The following CUL2 variants were observed in gnomAD, a reference collection of about 807,000 sequenced individuals.
CUL2 encodes the protein cullin 2, also known as cullin-2.
CUL2 carries 22 observed loss-of-function variants against 110.2 expected under a neutral mutation model. The observed-to-expected ratio is 0.20, with a 90% CI of 0.14 to 0.28. CUL2 has a LOEUF of 0.28. Ranked by LOEUF, CUL2 falls within the 10% of genes least tolerant of loss-of-function variation. CUL2 has a pLI of 1.00. For synonymous variants in CUL2, 279 were observed against 293.2 expected (o/e 0.95, Z 0.49); for missense variants, 631 against 905.5 (o/e 0.70, Z 3.89).
intron 4 of CUL2, among the ~76,000 whole-genome samples, chr10:35,056,338 G>A (rs1004525375): frequency 3.0e-4 from 45 of 152,180 alleles, no homozygotes; most frequent in African/African-American, 8.2e-4. Flanking sequence ...ATGAATACCA[G>A]GAAATAAAAG....
At chr10:35,073,320 A>C (rs1316299753) in intron 1 of CUL2, among the ~76,000 whole-genome samples, 1 of 152,136 alleles carries the variant, frequency 6.6e-6, no homozygotes, top group Non-Finnish European at 1.5e-5. Context: ...AGCTCTAAAT[A>C]AGGGAATTAA....
intron 1 of CUL2, among the ~76,000 whole-genome samples, chr10:35,126,317 T>C (rs1170269903): frequency 2.6e-5 from 4 of 152,204 alleles, no homozygotes; most frequent in African/African-American, 7.2e-5. Context: ...AGCAGGTGAA[T>C]TGTCTCAGGA....
intron 1 of CUL2, among the ~76,000 whole-genome samples, chr10:35,078,455 C>T (rs984282914): frequency 7.9e-5 from 12 of 151,966 alleles, no homozygotes; most frequent in Admixed American, 2.6e-4. Flanking sequence ...GCCACCACAC[C>T]GGTGTAATTT....
At chr10:35,077,021 A>C (rs939288315) in intron 1 of CUL2, among the ~76,000 whole-genome samples, 2 of 152,186 alleles carry the variant, frequency 1.3e-5, no homozygotes, top group Non-Finnish European at 2.9e-5. Flanking sequence ...TCCCAAGAGA[A>C]ATACAACATA....
intron 1 of CUL2, among the ~76,000 whole-genome samples, chr10:35,115,236 T>C (rs1299971892): frequency 6.6e-6 from 1 of 150,964 alleles, no homozygotes; most frequent in East Asian, 2.0e-4. Context: ...AGATTCTGTC[T>C]AAAAAATAAA....
intron 1 of CUL2, among the ~76,000 whole-genome samples, chr10:35,115,724 A>C (rs545611426): frequency 7.2e-5 from 11 of 151,978 alleles, no homozygotes; most frequent in African/African-American, 2.4e-4. Context: ...TGACACCCCC[A>C]TCACTACAAA....
At chr10:35,017,785 G>A (rs2085073976) in intron 17 of CUL2, among the ~76,000 whole-genome samples, 1 of 151,470 alleles carries the variant, frequency 6.6e-6, no homozygotes, top group Non-Finnish European at 1.5e-5. Flanking sequence ...GCAACATCCT[G>A]GGAGACAGCA....
intron 1 of CUL2, among the ~76,000 whole-genome samples, chr10:35,103,287 G>A (rs963179350): frequency 4.2e-5 from 6 of 142,394 alleles, no homozygotes; most frequent in African/African-American, 7.8e-5. Flanking sequence ...GGACACAGGC[G>A]CCCGCCACCA....
At chr10:35,026,328 C>G (rs1016899217) in intron 16 of CUL2, among the ~76,000 whole-genome samples, 1 of 151,658 alleles carries the variant, frequency 6.6e-6, no homozygotes, top group African/African-American at 2.4e-5. Flanking sequence ...TATGATCTGA[C>G]TAACTAATAA....
intron 1 of CUL2, among the ~76,000 whole-genome samples, chr10:35,087,475 C>T (rs1376833267): frequency 6.6e-6 from 1 of 152,162 alleles, no homozygotes; most frequent in Non-Finnish European, 1.5e-5. Flanking sequence ...ATGGCTGAAT[C>T]ACTCCTTAAC....
chr10:35,069,349 G>C (rs1248440858), intron 2 of CUL2, among the ~76,000 whole-genome samples: 3 of 151,878 alleles, frequency 2.0e-5, no homozygotes, highest in African/African-American at 7.3e-5. Context: ...GATCAGCCTG[G>C]GCAACATAGT....
At chr10:35,074,528 C>G (rs1442343829) in intron 1 of CUL2, among the ~76,000 whole-genome samples, 1 of 152,142 alleles carries the variant, frequency 6.6e-6, no homozygotes, top group African/African-American at 2.4e-5. Flanking sequence ...GTTCCTGAGA[C>G]AGAGTCTCCC....
At chr10:35,057,637 A>C (rs1427821712) in intron 4 of CUL2, among the ~76,000 whole-genome samples, 1 of 145,862 alleles carries the variant, frequency 6.9e-6, no homozygotes, top group African/African-American at 2.5e-5. Context: ...TGGGCGACGG[A>C]GCAAGACTCC....
intron 4 of CUL2, among the ~76,000 whole-genome samples, chr10:35,060,190 C>T (rs1280543728): frequency 6.6e-6 from 1 of 152,044 alleles, no homozygotes; most frequent in Non-Finnish European, 1.5e-5. Context: ...ATTGCTAGGG[C>T]CCAGGAGGCT....
At position 35,038,125 on chromosome 10, in the gene CUL2, G is replaced by A. The variant is rs139853309; in HGVS notation, c.877+795C>T. The stretch of plus-strand genomic sequence containing the variant: ...AGATCATGCCATTGCACTCCAGCCT[G>A]GGCGACGGAGCGAGACTCCATCTCA... On this transcript the variant is annotated intron_variant, in intron 9 of 20. Transcript: ENST00000374749. 8.4e-4 allele frequency among the ~76,000 whole-genome samples: 128 copies of A among 152,228 alleles called. 1 individual carries two copies. Among genetic ancestry groups the A allele is most frequent in the African/African-American group, 2.8e-3 (117 of 41,534 alleles).
At chr10:35,099,567 C>G (rs2087347858) in intron 2 of CUL2, 1 of 151,936 alleles carries the variant, frequency 6.6e-6, no homozygotes, top group Non-Finnish European at 1.5e-5. Flanking sequence ...GAGTTCAAGA[C>G]TAGCTTAGTC....
intron 9 of CUL2, 34 bp downstream of exon 9, chr10:35,038,886 A>C (rs2085703317): frequency 1.4e-6 from 2 of 1,457,556 alleles, no homozygotes; most frequent in African/African-American, 2.8e-5. Flanking sequence ...GTGGATTTAT[A>C]ATTTAATTTC....
chr10:35,024,490 A>G (rs996441497), intron 17 of CUL2, among the ~76,000 whole-genome samples: 17 of 152,204 alleles, frequency 1.1e-4, no homozygotes, highest in African/African-American at 4.1e-4. Flanking sequence ...GAACTTGTCA[A>G]AGCATAGTTT....
intron 1 of CUL2, among the ~76,000 whole-genome samples, chr10:35,113,717 A>C (rs895645309): frequency 3.3e-5 from 5 of 150,718 alleles, no homozygotes; most frequent in Non-Finnish European, 7.4e-5. Context: ...TTTCTTTTTT[A>C]TTTTTTTGAG....
Sources: gnomAD v4.1 joint callset for allele counts (sites outside exome capture counted in the v4.1 genomes callset) on GRCh38, gnomAD v4.1.1 for gene constraint, MANE v1.5 for transcripts, NCBI Gene and HGNC (gene_info 2026-07-23, HGNC 2026-07-21) for gene names.